Variants in LEPR observed in about 807,000 individuals in gnomAD.
LEPR encodes the protein OB receptor.
LEPR carries 56 observed loss-of-function variants against 114.7 expected under a neutral mutation model. The ratio of observed to expected loss-of-function variants is 0.49; its 90% CI spans 0.39 to 0.61. The LOEUF (loss-of-function observed/expected upper bound fraction) is 0.61. Ranked by LOEUF, LEPR falls within the 20% of genes least tolerant of loss-of-function variation. The pLI is 0.00. For missense variants in LEPR, 1,202 were observed against 1,352.9 expected (o/e 0.89, Z 1.75); for synonymous variants, 443 against 461.4 (o/e 0.96, Z 0.51).
chr1:65,570,345 ACACT>A (rs1184251112), intron 3 of LEPR, 124 bp from the exon 4 acceptor site: 5 of 818,742 alleles, frequency 6.1e-6, no homozygotes, highest in South Asian at 3.7e-5. Context: ...TATTCATTAG[ACACT>A]CACTGAGGAC....
chr1:65,515,661 G>A (rs973007302), intron 2 of LEPR, among the ~76,000 whole-genome samples: 3 of 152,038 alleles, frequency 2.0e-5, no homozygotes, highest in Non-Finnish European at 4.4e-5. Context: ...CGTTTGTTCT[G>A]TATGTATTTG....
At chr1:65,426,238 T>TACA (rs1646364017) in intron 2 of LEPR, among the ~76,000 whole-genome samples, 1 of 152,022 alleles carries the variant, frequency 6.6e-6, no homozygotes, top group African/African-American at 2.4e-5. Flanking sequence ...CCCGGAGACA[T>TACA]GAAAGTGTAT....
chr1:65,578,592 G>T (rs954475879), intron 5 of LEPR, among the ~76,000 whole-genome samples: 2 of 152,156 alleles, frequency 1.3e-5, no homozygotes, highest in African/African-American at 4.8e-5. Flanking sequence ...TGTCACAGTT[G>T]TCATTATGTT....
At chr1:65,580,714 G>A (rs6691346) in intron 5 of LEPR, among the ~76,000 whole-genome samples, 44,918 of 152,050 alleles carry the variant, frequency 0.3, 7,568 homozygotes, top group East Asian at 0.83. Context: ...AACATTCTGT[G>A]GTAAAAACAG....
At chr1:65,470,985 G>T (rs1647076325) in intron 2 of LEPR, among the ~76,000 whole-genome samples, 1 of 152,208 alleles carries the variant, frequency 6.6e-6, no homozygotes, top group Non-Finnish European at 1.5e-5. Context: ...TCAAAAAACA[G>T]CTTCTGAAGG....
chr1:65,622,437 ACT>A (rs74974836), intron 18 of LEPR, among the ~76,000 whole-genome samples: 26,522 of 151,892 alleles, frequency 0.17, 2,448 homozygotes, highest in Middle Eastern at 0.23. Context: ...GTGCCATGAT[ACT>A]CTCTGTGCTG....
intron 2 of LEPR, among the ~76,000 whole-genome samples, chr1:65,437,801 A>G (rs1325769580): frequency 1.3e-5 from 2 of 152,060 alleles, no homozygotes; most frequent in Non-Finnish European, 2.9e-5. Context: ...AGCCTCACCC[A>G]AAAGAGGCAA....
At position 65,601,943 on chromosome 1, in the gene LEPR, G is replaced by A. The variant is rs1304604773; in HGVS notation, c.1386G>A (p.Leu462=). 6.2e-7 allele frequency: 1 copy of A among 1,613,500 alleles called. No homozygotes were observed. The highest frequency in any genetic ancestry group is 2.2e-5 in the East Asian group (1 of 44,830). The change falls in exon 10 of 20, where the codon TTG becomes TTA. Residue 462 remains leucine, a synonymous_variant. Transcript: ENST00000349533. The part of the protein sequence containing the change: ...STIQSLAEST[L]QLRYHRSSLY... ...TCCAGTCACTTGCGGAAAGCACTTT[G>A]CAATTGAGGTATCATAGGTACGTAT...
At chr1:65,449,157 G>A (rs1344123045) in intron 2 of LEPR, among the ~76,000 whole-genome samples, 1 of 152,136 alleles carries the variant, frequency 6.6e-6, no homozygotes, top group African/African-American at 2.4e-5. Flanking sequence ...GCCTCCCAAA[G>A]GCGTAAGCCA....
intron 2 of LEPR, chr1:65,435,229 C>T (rs1646541958): frequency 2.5e-5 from 25 of 985,174 alleles, no homozygotes; most frequent in Non-Finnish European, 2.8e-5. Context: ...TCTTACTGTC[C>T]TAAGGAAGTC....
intron 2 of LEPR, among the ~76,000 whole-genome samples, chr1:65,453,339 T>C (rs1425026157): frequency 3.3e-5 from 5 of 152,316 alleles, no homozygotes; most frequent in South Asian, 2.1e-4. Flanking sequence ...ATGTGTTTGC[T>C]CTTGCTTCTC....
chr1:65,507,395 T>A (rs1648785811), intron 2 of LEPR, among the ~76,000 whole-genome samples: 1 of 151,446 alleles, frequency 6.6e-6, no homozygotes, highest in South Asian at 2.1e-4. Flanking sequence ...ATTCATATTG[T>A]CCCAAATGAC....
In LEPR at chr1:65,636,385, T is replaced by G. The variant is rs751702005; in HGVS notation, c.2868T>G (p.Ser956Arg). The change falls in exon 20 of 20, where the codon AGT becomes AGG. Residue 956 changes from serine to arginine, a missense_variant. Coordinates refer to ENST00000349533, the MANE Select transcript of LEPR (RefSeq NM_002303.6). ...TTGAAAAGGGTTCTGTTTGTATTAG[T>G]GACCAGTTCAACAGTGTTAACTTCT... ...TDLEKGSVCISDQFNSVNFSE... is the reference protein window; with the variant it reads ...TDLEKGSVCIRDQFNSVNFSE... The G allele has an allele frequency of 6.2e-7, 1 of 1,614,122 alleles. No individual in the cohort carries two copies. Among genetic ancestry groups the G allele is most frequent in the Non-Finnish European group, 8.5e-7 (1 of 1,179,998 alleles).
At chr1:65,535,674 A>G (rs1650719916) in intron 2 of LEPR, among the ~76,000 whole-genome samples, 1 of 151,652 alleles carries the variant, frequency 6.6e-6, no homozygotes, top group Non-Finnish European at 1.5e-5. Flanking sequence ...TGTTGACACA[A>G]CAAACAGGAT....
At chr1:65,469,356 A>G (rs913195128) in intron 2 of LEPR, among the ~76,000 whole-genome samples, 1 of 152,218 alleles carries the variant, frequency 6.6e-6, no homozygotes, top group Admixed American at 6.5e-5. Context: ...AAAGGTCCAG[A>G]ACTAGAACAT....
intron 2 of LEPR, among the ~76,000 whole-genome samples, chr1:65,519,452 C>T (rs116756838): frequency 0.02 from 3,103 of 152,072 alleles, 49 homozygotes; most frequent in Admixed American, 0.027. Context: ...GCCTGGTCTC[C>T]AGCAGCCACT....
At chr1:65,630,179 CT>C (rs1658444717) in intron 19 of LEPR, 1 of 260,676 alleles carries the variant, frequency 3.8e-6, no homozygotes, top group South Asian at 4.1e-5. Context: ...TCACTGTTTA[CT>C]TATAATTTCC....
rs369857904 is a variant in LEPR at position 65,455,102 on chromosome 1, C to T, written c.-21+29724C>T. Among the ~76,000 whole-genome samples, 8 of 152,298 alleles carry T rather than the reference C, an allele frequency of 5.3e-5. No individual in the cohort carries two copies. The East Asian group carries it at 7.7e-4, about 15-fold the overall frequency. On this transcript the variant is annotated intron_variant, in intron 2 of 19. Transcript: ENST00000349533. ...GCTCCTGAGGCTTCTGCCTTCTTCA[C>T]GTAGTTCTCAAGCCTTGGTTTTCAG...
At chr1:65,482,123 T>TACGCACAC (rs1553156955) in intron 2 of LEPR, among the ~76,000 whole-genome samples, 1 of 149,526 alleles carries the variant, frequency 6.7e-6, no homozygotes, top group Non-Finnish European at 1.5e-5. Context: ...ATTTTACACA[T>TACGCACAC]ACACACACAC....
Sources: gnomAD v4.1 joint callset for allele counts (sites outside exome capture counted in the v4.1 genomes callset) on GRCh38, gnomAD v4.1.1 for gene constraint, MANE v1.5 for transcripts, NCBI Gene and HGNC (gene_info 2026-07-23, HGNC 2026-07-21) for gene names.